ARHGAP8: variants seen among roughly 807,000 people sequenced by gnomAD.
ARHGAP8 encodes rho GTPase-activating protein 8.
A neutral mutation model predicts 46.1 loss-of-function variants in ARHGAP8; 62 were observed. That is an observed-to-expected ratio of 1.34 (90% confidence interval 1.10 to 1.66). The LOEUF (loss-of-function observed/expected upper bound fraction) is 1.66. Among genes scored for constraint, ARHGAP8 ranks in the 40% most tolerant of loss-of-function variants. The pLI is 0.00. For synonymous variants in ARHGAP8, 375 were observed against 243.1 expected (o/e 1.54, Z -5.05); for missense variants, 923 against 568.4 (o/e 1.62, Z -6.34).
chr22:44,769,552 G>C (rs1925845790), intron 1 of ARHGAP8, among the ~76,000 whole-genome samples: 1 of 152,208 alleles, frequency 6.6e-6, no homozygotes, highest in South Asian at 2.1e-4. Flanking sequence ...GAGAAGAGTT[G>C]ATATCGTTAA....
At position 44,831,664 on chromosome 22, in the gene ARHGAP8, ACTC is replaced by A. The variant is rs555594199; in HGVS notation, c.596+6073_596+6075del. Among the ~76,000 whole-genome samples, 27 of 152,174 alleles carry A rather than the reference ACTC, an allele frequency of 1.8e-4. No homozygotes were observed. The East Asian group carries it at 4.8e-3, about 27-fold the overall frequency. On this transcript the variant is annotated intron_variant, in intron 7 of 11. Coordinates refer to ENST00000356099, the MANE Select transcript of ARHGAP8 (RefSeq NM_181335.3). ...CAGTGAGCCAAGATCATGCCATTAC[ACTC>A]CAGCCTGGGTGACAAGAGCAAAAGT...
intron 1 of ARHGAP8, among the ~76,000 whole-genome samples, chr22:44,784,917 A>C (rs977543763): frequency 1.3e-5 from 2 of 151,970 alleles, no homozygotes; most frequent in African/African-American, 4.8e-5. Flanking sequence ...TACTCACCCC[A>C]CCCTGGGACC....
intron 3 of ARHGAP8, among the ~76,000 whole-genome samples, chr22:44,805,124 T>A (rs1285283819): frequency 2.0e-5 from 3 of 152,146 alleles, no homozygotes; most frequent in Non-Finnish European, 4.4e-5. Context: ...TGGGGTCCTC[T>A]TGAGAGGACG....
At chr22:44,794,870 G>A (rs739177) in intron 2 of ARHGAP8, among the ~76,000 whole-genome samples, 10,088 of 151,738 alleles carry the variant, frequency 0.066, 365 homozygotes, top group African/African-American at 0.078. Context: ...CACTTGGAAG[G>A]ACATTTAGAA....
chr22:44,791,315 C>G (rs540573958), intron 2 of ARHGAP8, among the ~76,000 whole-genome samples: 3 of 152,176 alleles, frequency 2.0e-5, no homozygotes, highest in African/African-American at 4.8e-5. Flanking sequence ...GCCAGGGCCT[C>G]GATGCTGCAG....
intron 10 of ARHGAP8, among the ~76,000 whole-genome samples, chr22:44,852,207 AAAAAAAAAAAGGAAGGG>A (rs1241184705): frequency 2.0e-5 from 3 of 151,304 alleles, no homozygotes; most frequent in Non-Finnish European, 3.0e-5. Flanking sequence ...AAAAAAAAAA[AAAAAAAAAAAGGAAGGG>A]AGGAAGGAAG....
chr22:44,792,327 T>C (rs1927754722), intron 2 of ARHGAP8, among the ~76,000 whole-genome samples: 1 of 152,070 alleles, frequency 6.6e-6, no homozygotes, highest in African/African-American at 2.4e-5. Flanking sequence ...GCTTTTTCAG[T>C]TGGGACAACC....
At chr22:44,761,065 C>G (rs1474056223) in intron 1 of ARHGAP8, among the ~76,000 whole-genome samples, 1 of 152,194 alleles carries the variant, frequency 6.6e-6, no homozygotes, top group Non-Finnish European at 1.5e-5. Context: ...TTGATGATTA[C>G]GAAGGACCTG....
chr22:44,814,480 C>A (rs1442506469), intron 4 of ARHGAP8, among the ~76,000 whole-genome samples, 192 bp from the exon 5 acceptor site: 1 of 152,168 alleles, frequency 6.6e-6, no homozygotes, highest in Non-Finnish European at 1.5e-5. Flanking sequence ...GCATGCCTGG[C>A]GGGGGCAGCA....
chr22:44,808,992 A>G (rs1379891445), intron 4 of ARHGAP8: 1 of 400,974 alleles, frequency 2.5e-6, no homozygotes, highest in Non-Finnish European at 5.0e-6. Flanking sequence ...TAATTTTTGT[A>G]TTTTTTTTTG....
At chr22:44,761,371 G>A (rs1342796427) in intron 1 of ARHGAP8, among the ~76,000 whole-genome samples, 3 of 152,214 alleles carry the variant, frequency 2.0e-5, no homozygotes, top group Non-Finnish European at 4.4e-5. Flanking sequence ...ATAAATGGTT[G>A]TGTGTACTGA....
At chr22:44,862,151 T>C in intron 11 of ARHGAP8, 124 bp from the exon 12 acceptor site, 4 of 1,197,284 alleles carry the variant, frequency 3.3e-6, no homozygotes, top group Non-Finnish European at 4.5e-6. Context: ...CATTACTGGC[T>C]GCCGGCTCCC....
intron 7 of ARHGAP8, among the ~76,000 whole-genome samples, chr22:44,827,619 A>G (rs911495929): frequency 1.1e-4 from 17 of 152,112 alleles, no homozygotes; most frequent in Admixed American, 9.2e-4. Context: ...CTAGGATTAC[A>G]GGTGTGAGCC....
intron 8 of ARHGAP8, among the ~76,000 whole-genome samples, chr22:44,845,678 C>G (rs2069936717): frequency 1.3e-5 from 2 of 152,178 alleles, no homozygotes; most frequent in South Asian, 4.1e-4. Flanking sequence ...TCGGGCAGTG[C>G]TGGTCTGTAG....
intron 7 of ARHGAP8, among the ~76,000 whole-genome samples, chr22:44,826,923 C>G (rs1248870574): frequency 6.6e-6 from 1 of 152,134 alleles, no homozygotes; most frequent in African/African-American, 2.4e-5. Context: ...AGTGGAGGAG[C>G]TCAGGGAGGC....
At chr22:44,784,072 C>G (rs1165971136) in intron 1 of ARHGAP8, among the ~76,000 whole-genome samples, 6 of 152,080 alleles carry the variant, frequency 3.9e-5, no homozygotes, top group Non-Finnish European at 8.8e-5. Context: ...ATGCAAAAAT[C>G]TTAATACCAC....
chr22:44,858,155 G>GT (rs1255128795), intron 10 of ARHGAP8, among the ~76,000 whole-genome samples: 4 of 152,206 alleles, frequency 2.6e-5, no homozygotes, highest in African/African-American at 9.7e-5. Flanking sequence ...AATGATCATA[G>GT]TGGGGAGTCT....
At chr22:44,781,103 C>T (rs1270503748) in intron 1 of ARHGAP8, among the ~76,000 whole-genome samples, 1 of 152,178 alleles carries the variant, frequency 6.6e-6, no homozygotes, top group Non-Finnish European at 1.5e-5. Context: ...GCAGATTTCT[C>T]TTCTGGGTTT....
intron 2 of ARHGAP8, among the ~76,000 whole-genome samples, chr22:44,800,559 G>A (rs994260106): frequency 6.8e-6 from 1 of 147,690 alleles, no homozygotes; most frequent in African/African-American, 2.5e-5. Context: ...CATGTGTGGG[G>A]GGCGCCCCTC....
Sources: gnomAD v4.1 joint callset for allele counts (sites outside exome capture counted in the v4.1 genomes callset) on GRCh38, gnomAD v4.1.1 for gene constraint, MANE v1.5 for transcripts, NCBI Gene and HGNC (gene_info 2026-07-23, HGNC 2026-07-21) for gene names.